The following RNF144A variants were observed in gnomAD, a reference collection of about 807,000 sequenced individuals.
RNF144A encodes E3 ubiquitin-protein ligase RNF144A.
Under a neutral mutation model 38.7 loss-of-function variants are expected in RNF144A, and 11 were observed. The observed-to-expected ratio is 0.28, with a 90% CI of 0.18 to 0.47. RNF144A has a LOEUF of 0.47. Among genes scored for constraint, RNF144A ranks in the 20% least tolerant of loss-of-function variants. The pLI is 0.99. For missense variants in RNF144A, 316 were observed against 377.2 expected (o/e 0.84, Z 1.34); for synonymous variants, 149 against 143.9 (o/e 1.04, Z -0.25).
rs1671016196 is a variant in RNF144A, at chr2:7,014,547, C to T, written c.229C>T (p.Gln77Ter). ...DAACPKQGHL[Q>*]ENEIECMVAA... ...TGCCTGCCCTAAACAGGGCCACCTA[C>T]AGGAGAACGAGGCATGTGCAATTGA... The change falls in exon 4 of 9, where the codon CAG becomes TAG. Residue 77 changes from glutamine to a stop codon, truncating the protein, a stop_gained. Transcript: ENST00000320892. LOFTEE classifies it high-confidence loss of function. 6.2e-7 allele frequency: 1 copy of T among 1,600,476 alleles called. No homozygotes were observed. The highest frequency in any genetic ancestry group is 1.3e-5 in the African/African-American group (1 of 74,230).
intron 1 of RNF144A, among the ~76,000 whole-genome samples, chr2:6,919,620 T>G (rs1231987008): frequency 6.6e-6 from 1 of 151,982 alleles, no homozygotes; most frequent in Non-Finnish European, 1.5e-5. Context: ...TGTGCCTTAC[T>G]GTGGCTTCCG....
chr2:6,999,657 C>T (rs953498008), intron 3 of RNF144A, among the ~76,000 whole-genome samples: 1 of 152,176 alleles, frequency 6.6e-6, no homozygotes, highest in African/African-American at 2.4e-5. Context: ...TTTACCCCAT[C>T]TGTATAATGG....
intron 1 of RNF144A, among the ~76,000 whole-genome samples, chr2:6,919,272 A>G (rs1664375382): frequency 6.6e-6 from 1 of 152,164 alleles, no homozygotes; most frequent in Admixed American, 6.5e-5. Flanking sequence ...GGTGTGTGAC[A>G]CCGTGAACTT....
intron 2 of RNF144A, among the ~76,000 whole-genome samples, chr2:6,972,313 T>C (rs1668045971): frequency 6.6e-6 from 1 of 152,222 alleles, no homozygotes; most frequent in Admixed American, 6.5e-5. Flanking sequence ...TGTTCAACTG[T>C]CAAACTTTGG....
At chr2:7,018,284 C>A (rs1216173659) in intron 5 of RNF144A, among the ~76,000 whole-genome samples, 1 of 152,228 alleles carries the variant, frequency 6.6e-6, no homozygotes. Context: ...GATTTCTCTT[C>A]CCGCGCAGCG....
At chr2:7,010,115 C>G (rs1408573440) in intron 3 of RNF144A, among the ~76,000 whole-genome samples, 1 of 152,228 alleles carries the variant, frequency 6.6e-6, no homozygotes, top group African/African-American at 2.4e-5. Flanking sequence ...TCTAGAAAGG[C>G]TGAGAGAAAC....
intron 4 of RNF144A, 30 bp downstream of exon 4, chr2:7,014,588 T>A (rs1315067402): frequency 6.4e-7 from 1 of 1,554,316 alleles, no homozygotes; most frequent in Non-Finnish European, 8.8e-7. Flanking sequence ...CTGGGCTGTT[T>A]GATGTGCACA....
At chr2:7,053,732 C>T (rs976207940) in intron 6 of RNF144A, among the ~76,000 whole-genome samples, 1 of 152,208 alleles carries the variant, frequency 6.6e-6, no homozygotes, top group Non-Finnish European at 1.5e-5. Flanking sequence ...CATGGATATG[C>T]TTTGGTTAAG....
At chr2:7,039,423 GTGGA>G (rs1311922115) in intron 8 of RNF144A, among the ~76,000 whole-genome samples, 1 of 151,770 alleles carries the variant, frequency 6.6e-6, no homozygotes, top group African/African-American at 2.4e-5. Flanking sequence ...GGATGGGTAG[GTGGA>G]TGGATGGATA....
chr2:7,027,340 G>A (rs1052986227), intron 7 of RNF144A, among the ~76,000 whole-genome samples: 1 of 152,134 alleles, frequency 6.6e-6, no homozygotes, highest in Non-Finnish European at 1.5e-5. Context: ...TTTCTTTTAC[G>A]TATTTTTTGG....
At chr2:6,967,377 A>C (rs1667735470) in intron 2 of RNF144A, among the ~76,000 whole-genome samples, 2 of 152,240 alleles carry the variant, frequency 1.3e-5, no homozygotes, top group African/African-American at 4.8e-5. Flanking sequence ...TGTGAGCACC[A>C]GTGTTATGGG....
chr2:7,028,362 G>A (rs1166181127), intron 7 of RNF144A, among the ~76,000 whole-genome samples: 1 of 152,192 alleles, frequency 6.6e-6, no homozygotes, highest in Non-Finnish European at 1.5e-5. Flanking sequence ...GCAGAGGCCT[G>A]TGCTTCCCAA....
At chr2:7,047,854 G>A (rs1350360123), downstream of RNF144A, among the ~76,000 whole-genome samples, 3 of 152,164 alleles carry the variant, frequency 2.0e-5, no homozygotes, top group Non-Finnish European at 4.4e-5. Context: ...TATCACTGGG[G>A]CTTGGAGAGG....
At chr2:7,030,290 TG>T in intron 8 of RNF144A, 75 bp downstream of exon 8, 7 of 942,810 alleles carry the variant, frequency 7.4e-6, no homozygotes, top group Non-Finnish European at 1.2e-5. Context: ...TGTGTGTGTG[TG>T]TGTGTGTGTG....
chr2:6,941,435 C>T lies in RNF144A; in HGVS notation c.-12+288C>T, dbSNP rs769379010. ...CCTTGGAGTCTCCTGTTTTAGATCT[C>T]CCTGATTCACTAGAGAACACGTGGA... On this transcript the variant is annotated intron_variant, in intron 2 of 8. Coordinates refer to ENST00000320892, the MANE Select transcript of RNF144A (RefSeq NM_014746.6). This position sits in a 1 kb window ranked among gnomAD's most constrained non-coding sequence, Gnocchi z 6.5. Among the ~76,000 whole-genome samples the T allele has an allele frequency of 6.6e-6, 1 of 152,208 alleles. No individual in the cohort carries two copies. Among genetic ancestry groups the T allele is most frequent in the African/African-American group, 2.4e-5 (1 of 41,450 alleles).
downstream of RNF144A, chr2:7,068,427 GT>G (rs1310834005): frequency 2.5e-6 from 1 of 398,750 alleles, no homozygotes; most frequent in African/African-American, 2.1e-5. Flanking sequence ...TCAAGAGTGG[GT>G]TGAGCTTCAG....
chr2:6,984,723 G>T (rs993812849), intron 2 of RNF144A, among the ~76,000 whole-genome samples: 1 of 152,256 alleles, frequency 6.6e-6, no homozygotes, highest in African/African-American at 2.4e-5. Flanking sequence ...TGGGAAAATA[G>T]GAGTGCGTAA....
rs114209146 is a variant in RNF144A at position 6,931,610 on chromosome 2, A to G, written c.-211-9338A>G. On this transcript the variant is annotated intron_variant, in intron 1 of 8. Transcript: ENST00000320892. The stretch of plus-strand genomic sequence containing the variant: ...AAGATAGCCTAGATGAAATAATGCC[A>G]TATTTCCATTTTTTCTCTAATTTTC... Among the ~76,000 whole-genome samples, 1,178 of 152,338 alleles carry G rather than the reference A, an allele frequency of 7.7e-3. 21 individuals carry two copies. The highest frequency in any genetic ancestry group is 0.027 in the African/African-American group (1,143 of 41,570).
chr2:7,037,162 T>G (rs1194116967), intron 8 of RNF144A, among the ~76,000 whole-genome samples: 2 of 152,188 alleles, frequency 1.3e-5, no homozygotes, highest in Admixed American at 6.5e-5. Flanking sequence ...CTTTGTGATA[T>G]TTGCTTCCTG....
Sources: gnomAD v4.1 joint callset for allele counts (sites outside exome capture counted in the v4.1 genomes callset) on GRCh38, gnomAD v4.1.1 for gene constraint, Gnocchi (gnomAD v3.1) non-coding constraint, MANE v1.5 for transcripts, NCBI Gene and HGNC (gene_info 2026-07-23, HGNC 2026-07-21) for gene names.